The following ZBTB24 variants were observed in gnomAD, a reference collection of about 807,000 sequenced individuals.
The protein encoded by ZBTB24 is zinc finger and BTB domain-containing protein 24.
ZBTB24 carries 32 observed loss-of-function variants against 53.8 expected under a neutral mutation model. The observed-to-expected ratio is 0.60, with a 90% CI of 0.45 to 0.80. ZBTB24 has a LOEUF of 0.80. Among genes scored for constraint, ZBTB24 ranks in the 30% least tolerant of loss-of-function variants. The pLI is 0.00. For missense variants in ZBTB24, 722 were observed against 837.1 expected (o/e 0.86, Z 1.70); for synonymous variants, 297 against 306.7 (o/e 0.97, Z 0.33).
chr6:109,481,067 A>ATCAT lies in ZBTB24; in HGVS notation c.952+4_952+7dup. On this transcript the variant is annotated splice_region_variant and intron_variant, in intron 2 of 6. Coordinates refer to ENST00000230122, the MANE Select transcript of ZBTB24 (RefSeq NM_014797.3). ...ACACACTGCAATCAGCTTTGAAAAC[A>ATCAT]TCATTACCTGTGTGGCTCCTCTGGT... The ATCAT allele has an allele frequency of 1.9e-6, 3 of 1,613,988 alleles. No homozygotes were observed. Among genetic ancestry groups the ATCAT allele is most frequent in the Non-Finnish European group, 2.5e-6 (3 of 1,179,884 alleles).
chr6:109,479,902 C>T (rs534000723), intron 2 of ZBTB24, among the ~76,000 whole-genome samples: 30 of 107,602 alleles, frequency 2.8e-4, no homozygotes, highest in African/African-American at 1.0e-3. Context: ...GGTGACAGAG[C>T]GAGAATCCAT....
chr6:109,481,632 T>C lies in ZBTB24; in HGVS notation c.395A>G (p.His132Arg), dbSNP rs896499889. 3 of 1,614,216 alleles carry C rather than the reference T, an allele frequency of 1.9e-6. No homozygotes were observed. Among genetic ancestry groups the C allele is most frequent in the Middle Eastern group, 3.3e-4 (2 of 6,062 alleles). The change falls in exon 2 of 7, where the codon CAT (histidine) becomes CGT (arginine). Residue 132 changes from histidine to arginine, a missense_variant. Coordinates refer to ENST00000230122, the MANE Select transcript of ZBTB24 (RefSeq NM_014797.3). ...CAAAGTTGTTGGCTTTGGGGAGCTA[T>C]GATTATTTTGGAAGTCTGTGTAAGC... ...VKAYTDFQNN[H>R]SSPKPTTLNT...
At chr6:109,482,302 C>CA (rs112356428) in intron 1 of ZBTB24, among the ~76,000 whole-genome samples, 1 of 151,908 alleles carries the variant, frequency 6.6e-6, no homozygotes, top group Non-Finnish European at 1.5e-5. Context: ...TTCATCTATA[C>CA]AAAAAATACA....
At position 109,479,062 on chromosome 6, in the gene ZBTB24, T is replaced by C. The variant is rs750057028; in HGVS notation, c.952+2013A>G. Among the ~76,000 whole-genome samples the C allele has an allele frequency of 1.3e-3, 204 of 152,136 alleles. 2 individuals carry two copies. The highest frequency in any genetic ancestry group is 3.1e-3 in the Admixed American group (48 of 15,286). On this transcript the variant is annotated intron_variant, in intron 2 of 6. Coordinates refer to ENST00000230122, the MANE Select transcript of ZBTB24 (RefSeq NM_014797.3). ...GTGGGGCCAAAAATGATGGAAAATA[T>C]AAGAGAAAATAAAGTTAGAGAGAAC...
chr6:109,480,850 G>C (rs1776389757), intron 2 of ZBTB24: 1 of 791,716 alleles, frequency 1.3e-6, no homozygotes, highest in African/African-American at 1.9e-5. Context: ...ATGCACTTTA[G>C]CAACCCTCTC....
intron 5 of ZBTB24, among the ~76,000 whole-genome samples, chr6:109,469,515 A>T (rs3823233): frequency 0.019 from 2,933 of 151,968 alleles, 77 homozygotes; most frequent in East Asian, 0.099. Context: ...AGCCAAGGTC[A>T]ATCTGCAGGG....
At chr6:109,468,747 GA>G (rs1776106014) in intron 5 of ZBTB24, among the ~76,000 whole-genome samples, 1 of 152,136 alleles carries the variant, frequency 6.6e-6, no homozygotes. Flanking sequence ...CCTGCTGAAT[GA>G]ACTTCATGGG....
chr6:109,475,519 T>C (rs1776261335), intron 4 of ZBTB24, 37 bp from the exon 5 acceptor site: 1 of 1,604,728 alleles, frequency 6.2e-7, no homozygotes, highest in South Asian at 1.1e-5. Flanking sequence ...AGTGCATACA[T>C]GCTCTCCCTG....
rs2115360895 is a variant in ZBTB24, at chr6:109,475,438, C to T, written c.1249G>A (p.Asp417Asn). 1.2e-6 allele frequency: 2 copies of T among 1,614,168 alleles called. No homozygotes were observed. The highest frequency in any genetic ancestry group is 1.7e-6 in the Non-Finnish European group (2 of 1,180,032). The change falls in exon 5 of 7, where the codon GAT becomes AAT. Residue 417 changes from aspartate to asparagine, a missense_variant. By Grantham distance (23) the Asp-to-Asn change is conservative. Coordinates refer to ENST00000230122, the MANE Select transcript of ZBTB24 (RefSeq NM_014797.3). ...ECKDCHRKFM[D>N]VSQLKKHLRT... is the part of the protein sequence containing the mutation. ...AGATGTTTCTTTAGCTGAGACACAT[C>T]CATGAATTTGCGATGGCAGTCTTTG...
chr6:109,481,618 G>C lies in ZBTB24; in HGVS notation c.409C>G (p.Pro137Ala). 6.2e-7 allele frequency: 1 copy of C among 1,614,176 alleles called. No homozygotes were observed. Among genetic ancestry groups the C allele is most frequent in the Non-Finnish European group, 8.5e-7 (1 of 1,180,040 alleles). The change falls in exon 2 of 7, where the codon CCA becomes GCA. Residue 137 changes from proline to alanine, a missense_variant. Pro to Ala is a conservative substitution (Grantham distance 27). Coordinates refer to ENST00000230122, the MANE Select transcript of ZBTB24 (RefSeq NM_014797.3). Reference protein sequence around the residue: ...DFQNNHSSPKPTTLNTAGAPV... With the variant: ...DFQNNHSSPKATTLNTAGAPV... ...GCACCAGCAGTGTTCAAAGTTGTTG[G>C]CTTTGGGGAGCTATGATTATTTTGG...
At chr6:109,478,237 C>T (rs2115363349) in intron 2 of ZBTB24, among the ~76,000 whole-genome samples, 1 of 152,250 alleles carries the variant, frequency 6.6e-6, no homozygotes, top group South Asian at 2.1e-4. Flanking sequence ...ACTGAGGCTC[C>T]AGAAGAAGGT....
At chr6:109,480,963 G>A in intron 2 of ZBTB24, 112 bp downstream of exon 2, 1 of 1,537,436 alleles carries the variant, frequency 6.5e-7, no homozygotes. Context: ...ATGTATAAAG[G>A]CTTTATTACA....
intron 5 of ZBTB24, among the ~76,000 whole-genome samples, chr6:109,469,356 AC>A (rs1354399021): frequency 4.6e-5 from 7 of 152,180 alleles, no homozygotes; most frequent in African/African-American, 1.7e-4. Context: ...AACAACATTA[AC>A]TATACCATTC....
intron 5 of ZBTB24, among the ~76,000 whole-genome samples, chr6:109,474,051 T>TG (rs1452140749): frequency 7.1e-6 from 1 of 140,478 alleles, no homozygotes; most frequent in Non-Finnish European, 1.5e-5. Context: ...ATAGCACCAC[T>TG]GCACAACAGC....
At chr6:109,478,126 G>A (rs1184419492) in intron 2 of ZBTB24, among the ~76,000 whole-genome samples, 1 of 152,076 alleles carries the variant, frequency 6.6e-6, no homozygotes, top group Non-Finnish European at 1.5e-5. Context: ...GATTAAACAA[G>A]TTTTACTGGG....
At chr6:109,482,094 G>A in intron 1 of ZBTB24, 40 bp from the exon 2 acceptor site, 1 of 1,412,930 alleles carries the variant, frequency 7.1e-7, no homozygotes, top group Non-Finnish European at 9.9e-7. Context: ...AGAAAGCACT[G>A]TCTAAAAGGT....
rs923215961 is a variant in ZBTB24 at position 109,465,425 on chromosome 6, A to T, written c.*426T>A. 10 of 550,492 alleles carry T rather than the reference A, an allele frequency of 1.8e-5. No individual in the cohort carries two copies. The East Asian group carries it at 3.0e-4, about 16-fold the overall frequency. The allele number at this position is 550,492 out of a possible 1,614,324, so 34.1% of individuals were successfully genotyped here. A position where few individuals can be genotyped will look rare whatever the true frequency, so the allele number is the denominator to read the frequency against. On this transcript the variant is annotated 3_prime_UTR_variant, in exon 7 of 7. Transcript: ENST00000230122. ...ACAACTGTGTTGCCTAAGAAAAATA[A>T]GAAAATAGAACAAACCATTCTGCCC...
At position 109,462,738 on chromosome 6, in the gene ZBTB24, A is replaced by G. The variant is rs1046943; in HGVS notation, c.*3113T>C. 78,715 of 152,006 alleles carry G rather than the reference A, an allele frequency of 0.52. 21,448 individuals carry two copies. The highest frequency in any genetic ancestry group is 0.7 in the African/African-American group (29,218 of 41,460). 9.4% of individuals were successfully genotyped at this position (152,006 alleles called of 1,614,324 possible). A position where few individuals can be genotyped will look rare whatever the true frequency, so the allele number is the denominator to read the frequency against. ...ACTGATTTTGATGGTAAGAGCTCCAATCATCCCAAGGCAGACCCTCTTCTG... is the reference window on the plus strand; with the variant it reads ...ACTGATTTTGATGGTAAGAGCTCCAGTCATCCCAAGGCAGACCCTCTTCTG... On this transcript the variant is annotated 3_prime_UTR_variant, in exon 7 of 7. Coordinates refer to ENST00000230122, the MANE Select transcript of ZBTB24 (RefSeq NM_014797.3).
intron 2 of ZBTB24, among the ~76,000 whole-genome samples, chr6:109,477,756 C>T (rs761783126): frequency 6.6e-6 from 1 of 152,168 alleles, no homozygotes; most frequent in African/African-American, 2.4e-5. Flanking sequence ...GAGACTCCCC[C>T]ACTCCTTCTT....
Sources: gnomAD v4.1 joint callset for allele counts (sites outside exome capture counted in the v4.1 genomes callset) on GRCh38, gnomAD v4.1.1 for gene constraint, MANE v1.5 for transcripts, NCBI Gene and HGNC (gene_info 2026-07-23, HGNC 2026-07-21) for gene names.